Variants in CYB5R2 observed in about 807,000 individuals in gnomAD.
CYB5R2 encodes cytochrome b5 reductase 2, also known as NADH-cytochrome b5 reductase 2.
In CYB5R2, 35 loss-of-function variants were observed where a neutral mutation model predicts 29.8. The observed-to-expected ratio is 1.17, with a 90% CI of 0.90 to 1.56. CYB5R2 has a LOEUF of 1.56. CYB5R2 is among the 40% of genes most tolerant of loss of function. The pLI, the probability that CYB5R2 is intolerant of heterozygous loss-of-function variation, is 0.00. For synonymous variants in CYB5R2, 169 were observed against 130.6 expected, an observed-to-expected ratio of 1.29 and a Z score of -2.01; for missense variants, 419 against 346.7, an observed-to-expected ratio of 1.21 and a Z score of -1.66.
In CYB5R2 at chr11:7,665,216, C is replaced by A; in HGVS notation, c.*158G>T. The A allele has an allele frequency of 3.3e-6, 2 of 606,420 alleles. No homozygotes were observed. The highest frequency in any genetic ancestry group is 5.4e-6 in the Non-Finnish European group (2 of 370,254). 37.6% of individuals were successfully genotyped at this position (606,420 alleles called of 1,614,324 possible). A position where few individuals can be genotyped will look rare whatever the true frequency, so the allele number is the denominator to read the frequency against. ...CAGCCAGTCTCCAGCCCCTTGAGCC[C>A]TTTTTGTTAGGCCCACACCCAAAAG... On this transcript the variant is annotated 3_prime_UTR_variant, in exon 9 of 9. Coordinates refer to ENST00000299498, the MANE Select transcript of CYB5R2 (RefSeq NM_016229.5).
At chr11:7,668,821 T>G in intron 5 of CYB5R2, 1 of 588,054 alleles carries the variant, frequency 1.7e-6, no homozygotes, top group Non-Finnish European at 3.0e-6. Context: ...AAGCTGAAGT[T>G]AACACAGAGA....
At chr11:7,666,825 C>T in intron 7 of CYB5R2, 1 of 303,570 alleles carries the variant, frequency 3.3e-6, no homozygotes, top group East Asian at 7.9e-5. Flanking sequence ...AGGACCTTAG[C>T]CAAGCGCTGG....
Position 7,666,452 on chromosome 11 carries a change from A to C in CYB5R2, c.657T>G (p.Ile219Met), listed in dbSNP as rs996280137. Residue 219 changes from isoleucine to methionine, a missense_variant and splice_region_variant, in exon 8 of 9, where the codon ATT becomes ATG. Coordinates refer to ENST00000299498, the MANE Select transcript of CYB5R2 (RefSeq NM_016229.5). ...GAGTGAGGGCAATGGATGTCGTACCAATGGGAGGCCTGTCCAGGGTGTACC... is the reference window on the plus strand; with the variant it reads ...GAGTGAGGGCAATGGATGTCGTACCCATGGGAGGCCTGTCCAGGGTGTACC... ...NLWYTLDRPPIGWKYSSGFVT... is the reference protein window; with the variant it reads ...NLWYTLDRPPMGWKYSSGFVT... The C allele has an allele frequency of 6.2e-7, 1 of 1,604,892 alleles. No individual in the cohort carries two copies. Among genetic ancestry groups the C allele is most frequent in the African/African-American group, 1.3e-5 (1 of 74,806 alleles).
chr11:7,669,525 G>A (rs1855590055), intron 4 of CYB5R2, 100 bp downstream of exon 4: 2 of 1,218,632 alleles, frequency 1.6e-6, no homozygotes, highest in South Asian at 1.5e-5. Context: ...GCCCTGCCTA[G>A]GGCATATGTG....
In CYB5R2 at chr11:7,669,743, G is replaced by T. The variant is rs548776991; in HGVS notation, c.152-12C>A. ...CTGGACATAGTTACCTATAGAAAAG[G>T]CATCAAGCACTGAGTCAAAGCATAT... On this transcript the variant is annotated splice_polypyrimidine_tract_variant and intron_variant, in intron 3 of 8. Coordinates refer to ENST00000299498, the MANE Select transcript of CYB5R2 (RefSeq NM_016229.5). 6.8e-5 allele frequency: 108 copies of T among 1,591,564 alleles called. No individual in the cohort carries two copies. In the South Asian group the frequency reaches 1.1e-3, roughly 17 times the overall value.
At chr11:7,667,835 G>A in intron 6 of CYB5R2, 22 bp from the exon 7 acceptor site, 1 of 1,605,324 alleles carries the variant, frequency 6.2e-7, no homozygotes, top group Non-Finnish European at 8.5e-7. Flanking sequence ...TGAGCGAGCA[G>A]CCAGCTTTCT....
Position 7,669,797 on chromosome 11 carries a change from G to A in CYB5R2, c.152-66C>T, listed in dbSNP as rs993997345. 1.5e-5 allele frequency: 17 copies of A among 1,169,608 alleles called. No homozygotes were observed. The African/African-American group carries it at 2.3e-4, about 16-fold the overall frequency. 72.5% of individuals were successfully genotyped at this position (1,169,608 alleles called of 1,614,324 possible). A position where few individuals can be genotyped will look rare whatever the true frequency, so the allele number is the denominator to read the frequency against. Reference sequence around the variant, plus strand: ...GCTTAAATAAGGCCCAGGAATAAAGGACTGAGCTTCAGTGAAGGGAGCAAA... The same window carrying A: ...GCTTAAATAAGGCCCAGGAATAAAGAACTGAGCTTCAGTGAAGGGAGCAAA... On this transcript the variant is annotated intron_variant, in intron 3 of 8. Transcript: ENST00000299498.
rs1855841211 is a variant in CYB5R2, at chr11:7,672,821, T to C, written c.5A>G (p.Asn2Ser). The stretch of plus-strand genomic sequence containing the variant: ...GGTGATTGGCTCTCTCCTCCTGGAG[T>C]TCATGCTCTTCAGGACCAACACGAG... M[N>S]SRRREPITLQ... is the part of the protein sequence containing the mutation. The change falls in exon 2 of 9, where the codon AAC becomes AGC. Residue 2 changes from asparagine (N) to serine (S), a missense_variant. Physicochemically the swap from Asn to Ser is conservative, Grantham distance 46. Transcript: ENST00000299498. The C allele has an allele frequency of 6.2e-7, 1 of 1,613,850 alleles. No individual in the cohort carries two copies.
chr11:7,666,848 C>CTTTTGT, intron 7 of CYB5R2: 4 of 277,728 alleles, frequency 1.4e-5, no homozygotes, highest in South Asian at 8.9e-5. Context: ...AGGATGGCTT[C>CTTTTGT]ACTCGGAGCT....
rs1855886136 is a variant in CYB5R2, at chr11:7,673,482, G to A, written c.-130C>T. 3.0e-6 allele frequency: 3 copies of A among 986,362 alleles called. No individual in the cohort carries two copies. Among genetic ancestry groups the A allele is most frequent in the South Asian group, 4.7e-5 (1 of 21,334 alleles). 61.1% of individuals were successfully genotyped at this position (986,362 alleles called of 1,614,324 possible). On this transcript the variant is annotated 5_prime_UTR_variant, in exon 1 of 9. Transcript: ENST00000299498. ...GACAGGGAAAGTTGCCTCTCCTCCC[G>A]CCGGGTCACTGGAGTCTCAGCCTTC...
intron 3 of CYB5R2, chr11:7,672,188 T>C (rs1489694197): frequency 4.5e-6 from 2 of 439,576 alleles, no homozygotes; most frequent in Non-Finnish European, 8.1e-6. Context: ...TTCCATGAGA[T>C]TTTAGGCCTT....
chr11:7,666,579 C>T, intron 7 of CYB5R2, 29 bp from the exon 8 acceptor site: 1 of 1,531,538 alleles, frequency 6.5e-7, no homozygotes, highest in South Asian at 1.1e-5. Context: ...TGAAAAAGCC[C>T]CTCCAGGGCC....
At position 7,672,525 on chromosome 11, in the gene CYB5R2, T is replaced by C. The variant is rs1187470124; in HGVS notation, c.79-2A>G. On this transcript the variant is annotated splice_acceptor_variant, in intron 2 of 8. Transcript: ENST00000299498. LOFTEE classifies it high-confidence loss of function. ...CCTCCGGGTGTTGTGGCTGATTTTC[T>C]GATAAAACAAAACATAGGCAGGTTC... The C allele has an allele frequency of 6.2e-7, 1 of 1,614,024 alleles. No individual in the cohort carries two copies. The highest frequency in any genetic ancestry group is 8.5e-7 in the Non-Finnish European group (1 of 1,179,996).
At chr11:7,669,053 G>C in intron 5 of CYB5R2, 152 bp downstream of exon 5, 1 of 971,210 alleles carries the variant, frequency 1.0e-6, no homozygotes, top group Non-Finnish European at 1.6e-6. Flanking sequence ...GTGTGAATGT[G>C]TAACAAGTGT....
intron 8 of CYB5R2, 178 bp from the exon 9 acceptor site, chr11:7,665,724 A>G (rs1004119741): frequency 2.5e-6 from 3 of 1,184,232 alleles, no homozygotes; most frequent in Non-Finnish European, 3.5e-6. Context: ...AGCCCTCTGC[A>G]GCAATCACCC....
chr11:7,668,760 G>A, intron 5 of CYB5R2, 199 bp from the exon 6 acceptor site: 2 of 616,742 alleles, frequency 3.2e-6, no homozygotes, highest in Non-Finnish European at 5.8e-6. Flanking sequence ...AATAGAGCCT[G>A]GGCTTGGTCG....
At chr11:7,668,808 G>A in intron 5 of CYB5R2, 1 of 595,328 alleles carries the variant, frequency 1.7e-6, no homozygotes, top group South Asian at 2.0e-5. Flanking sequence ...GAAAAAGAGG[G>A]GCAAGCTGAA....
chr11:7,669,836 A>C, intron 3 of CYB5R2, 105 bp from the exon 4 acceptor site: 1 of 811,568 alleles, frequency 1.2e-6, no homozygotes, highest in Non-Finnish European at 2.1e-6. Flanking sequence ...TGGGGGCACA[A>C]TGTTAAGAGG....
intron 1 of CYB5R2, chr11:7,673,156 A>C (rs985985870): frequency 4.9e-6 from 2 of 405,028 alleles, no homozygotes; most frequent in East Asian, 1.2e-4. Context: ...TGGGGTGCTC[A>C]GGTCACTAGG....
Sources: gnomAD v4.1 joint callset for allele counts on GRCh38, gnomAD v4.1.1 for gene constraint, MANE v1.5 for transcripts, NCBI Gene and HGNC (gene_info 2026-07-23, HGNC 2026-07-21) for gene names.